Variants in CHST3 observed in about 807,000 individuals in gnomAD.
CHST3 encodes C6ST-1.
In CHST3, 20 loss-of-function variants were observed where a neutral mutation model predicts 35.4. The observed-to-expected ratio is 0.57, with a 90% CI of 0.40 to 0.82. The LOEUF (loss-of-function observed/expected upper bound fraction) is 0.82, where lower values mean the gene tolerates loss of function less well. Among genes scored for constraint, CHST3 ranks in the 40% least tolerant of loss-of-function variants. The pLI is 0.00. For missense variants in CHST3, 693 were observed against 670.1 expected (o/e 1.03, Z -0.38); for synonymous variants, 334 against 295.9 (o/e 1.13, Z -1.32).
intron 1 of CHST3, among the ~76,000 whole-genome samples, chr10:71,990,394 G>T (rs1839887049): frequency 6.6e-6 from 1 of 151,506 alleles, no homozygotes; most frequent in Non-Finnish European, 1.5e-5. Context: ...ACGGAGTTTT[G>T]CTCTTGTTGC....
chr10:71,977,198 C>T (rs1381822310), intron 1 of CHST3, among the ~76,000 whole-genome samples: 1 of 152,244 alleles, frequency 6.6e-6, no homozygotes, highest in Non-Finnish European at 1.5e-5. Context: ...AGTCCCAGCC[C>T]CCAGACCTGA....
intron 1 of CHST3, among the ~76,000 whole-genome samples, chr10:71,974,720 G>T (rs1239901234): frequency 1.3e-5 from 2 of 152,220 alleles, no homozygotes; most frequent in East Asian, 3.9e-4. Context: ...GCCCTCTATG[G>T]TTCTCCTGAT....
Position 72,009,245 on chromosome 10 carries a change from T to C in CHST3, c.*774T>C, listed in dbSNP as rs1840082413. 1 of 152,184 alleles carries C rather than the reference T, an allele frequency of 6.6e-6. No homozygotes were observed. The highest frequency in any genetic ancestry group is 2.4e-5 in the African/African-American group (1 of 41,410). 9.4% of individuals were successfully genotyped at this position (152,184 alleles called of 1,614,324 possible). On this transcript the variant is annotated 3_prime_UTR_variant, in exon 3 of 3. Coordinates refer to ENST00000373115, the MANE Select transcript of CHST3 (RefSeq NM_004273.5). The stretch of plus-strand genomic sequence containing the variant: ...CAGAGGAGCCTGTGCTTAACATTTG[T>C]AGGATTATTTCGAGGGCAGGGCAGG...
At position 72,012,227 on chromosome 10, in the gene CHST3, T is replaced by C. The variant is rs533593409; in HGVS notation, c.*3756T>C. 1 of 152,300 alleles carries C rather than the reference T, an allele frequency of 6.6e-6. No individual in the cohort carries two copies. Among genetic ancestry groups the C allele is most frequent in the South Asian group, 2.1e-4 (1 of 4,824 alleles). The allele number at this position is 152,300 out of a possible 1,614,324, so 9.4% of individuals were successfully genotyped here. On this transcript the variant is annotated 3_prime_UTR_variant, in exon 3 of 3. Coordinates refer to ENST00000373115, the MANE Select transcript of CHST3 (RefSeq NM_004273.5). The stretch of plus-strand genomic sequence containing the variant: ...CCCTCCCATCTCTGCCATCTGTCTG[T>C]CTGGCAATGGAAGGAGCTTCAGCAG...
rs1172740986 is a variant in CHST3 at position 72,007,910 on chromosome 10, C to G, written c.879C>G (p.Asp293Glu). The change falls in exon 3 of 3, where the codon GAC becomes GAG. Residue 293 changes from aspartate to glutamate, a missense_variant. By Grantham distance (45) the Asp-to-Glu change is conservative. Transcript: ENST00000373115. Reference protein sequence around the residue: ...LQPLAEDPRLDLRVIQLVRDP... With the variant: ...LQPLAEDPRLELRVIQLVRDP... ...CGCTGGCCGAGGACCCCCGCCTGGA[C>G]CTGCGCGTCATCCAGCTGGTGCGCG... The G allele has an allele frequency of 2.0e-5, 31 of 1,567,110 alleles. No homozygotes were observed. Among genetic ancestry groups the G allele is most frequent in the Non-Finnish European group, 2.5e-5 (29 of 1,156,506 alleles).
rs1210299926 is a variant in CHST3, at chr10:72,009,581, A to G, written c.*1110A>G. On this transcript the variant is annotated 3_prime_UTR_variant, in exon 3 of 3. Transcript: ENST00000373115. ...CTCACGGGGCCTTCCATTTCCAGCC[A>G]GGCCTCATCTGGGGTAGGGCCAAGA... The G allele has an allele frequency of 2.6e-5, 4 of 152,244 alleles. No homozygotes were observed. Among genetic ancestry groups the G allele is most frequent in the Non-Finnish European group, 5.9e-5 (4 of 68,108 alleles). The allele number at this position is 152,244 out of a possible 1,614,324, so 9.4% of individuals were successfully genotyped here.
rs143743853 is a variant in CHST3, at chr10:72,011,131, C to G, written c.*2660C>G. 6.6e-6 allele frequency: 1 copy of G among 152,186 alleles called. No individual in the cohort carries two copies. The highest frequency in any genetic ancestry group is 6.5e-5 in the Admixed American group (1 of 15,286). 9.4% of individuals were successfully genotyped at this position (152,186 alleles called of 1,614,324 possible). ...AACAATAGAAACCATTCACACACTC[C>G]GTTCATGCATGGACACCAGAAGACG... On this transcript the variant is annotated 3_prime_UTR_variant, in exon 3 of 3. Transcript: ENST00000373115.
In CHST3 at chr10:72,005,720, A is replaced by G; in HGVS notation, c.-107-16A>G. 1 of 1,212,924 alleles carries G rather than the reference A, an allele frequency of 8.2e-7. No homozygotes were observed. The highest frequency in any genetic ancestry group is 2.4e-5 in the East Asian group (1 of 42,206). 75.1% of individuals were successfully genotyped at this position (1,212,924 alleles called of 1,614,324 possible). On this transcript the variant is annotated splice_polypyrimidine_tract_variant and intron_variant, in intron 1 of 2. Coordinates refer to ENST00000373115, the MANE Select transcript of CHST3 (RefSeq NM_004273.5). ...GTGTACAGACAAGGGTGTTCTGACC[A>G]CCTGTCTCTCCGCAGGACAAGGGTG... is the stretch of plus-strand genomic sequence containing the variant.
chr10:71,998,805 C>A (rs1302806159), intron 1 of CHST3, among the ~76,000 whole-genome samples: 1 of 152,164 alleles, frequency 6.6e-6, no homozygotes. Context: ...AATCAAAGAT[C>A]GGTTCTTTCT....
intron 1 of CHST3, among the ~76,000 whole-genome samples, chr10:71,995,408 CGA>C (rs1398895678): frequency 1.5e-5 from 2 of 132,400 alleles, no homozygotes; most frequent in Admixed American, 8.4e-5. Flanking sequence ...CTGGGCAGAG[CGA>C]GAGTCTGTCT....
rs1210950928 is a variant in CHST3 at position 72,012,609 on chromosome 10, G to A, written c.*4138G>A. On this transcript the variant is annotated 3_prime_UTR_variant, in exon 3 of 3. Transcript: ENST00000373115. ...CAGATCTCAAGGGCTGATACCTGAG[G>A]CAAGGAGAGCTAAGGGGAGAGAAAT... 1 of 152,768 alleles carries A rather than the reference G, an allele frequency of 6.5e-6. No individual in the cohort carries two copies. Among genetic ancestry groups the A allele is most frequent in the Non-Finnish European group, 1.5e-5 (1 of 68,490 alleles). 9.5% of individuals were successfully genotyped at this position (152,768 alleles called of 1,614,324 possible).
At chr10:71,968,417 T>C (rs562983759) in intron 1 of CHST3, among the ~76,000 whole-genome samples, 124 of 152,344 alleles carry the variant, frequency 8.1e-4, no homozygotes, top group East Asian at 5.8e-3. Flanking sequence ...TTGCAAATAT[T>C]TTCTCCTGTT....
rs147535559 is a variant in CHST3, at chr10:72,007,417, C to T, written c.386C>T (p.Ala129Val). 10 of 1,603,092 alleles carry T rather than the reference C, an allele frequency of 6.2e-6. No homozygotes were observed. The African/African-American group carries it at 6.7e-5, about 11-fold the overall frequency. ...GAGGAGCCGCCCAGACCGGCCGTGG[C>T]GGGGCCCCGGCGCCACGTGCTGCTC... Reference protein sequence around the residue: ...KEEEPPRPAVAGPRRHVLLMA... With the variant: ...KEEEPPRPAVVGPRRHVLLMA... Residue 129 changes from alanine to valine, a missense_variant, in exon 3 of 3, where the codon GCG (alanine) becomes GTG (valine). Coordinates refer to ENST00000373115, the MANE Select transcript of CHST3 (RefSeq NM_004273.5).
intron 1 of CHST3, among the ~76,000 whole-genome samples, chr10:71,965,170 C>T (rs1839617356): frequency 6.6e-6 from 1 of 152,176 alleles, no homozygotes; most frequent in Non-Finnish European, 1.5e-5. Context: ...GCCAGAACCC[C>T]GAGACCAAGG....
intron 1 of CHST3, among the ~76,000 whole-genome samples, chr10:71,998,871 C>A (rs1251329860): frequency 6.6e-6 from 1 of 152,016 alleles, no homozygotes; most frequent in East Asian, 1.9e-4. Flanking sequence ...TTGGGAGTAA[C>A]ATAGCCCCAT....
intron 1 of CHST3, among the ~76,000 whole-genome samples, chr10:71,968,709 G>A (rs1045554415): frequency 1.3e-5 from 2 of 152,052 alleles, no homozygotes; most frequent in African/African-American, 4.8e-5. Flanking sequence ...ACACTCTGCC[G>A]AGCCTGGATA....
At chr10:71,971,470 C>T (rs573523329) in intron 1 of CHST3, among the ~76,000 whole-genome samples, 1 of 152,286 alleles carries the variant, frequency 6.6e-6, no homozygotes, top group South Asian at 2.1e-4. Flanking sequence ...ACACATGCTG[C>T]GCCGATGCCC....
At chr10:71,978,443 C>T (rs1365532037) in intron 1 of CHST3, among the ~76,000 whole-genome samples, 1 of 152,106 alleles carries the variant, frequency 6.6e-6, no homozygotes, top group Non-Finnish European at 1.5e-5. Context: ...GATTCCTAAC[C>T]CCGTGCTGCC....
At chr10:71,972,428 C>T (rs371385161) in intron 1 of CHST3, among the ~76,000 whole-genome samples, 11 of 152,310 alleles carry the variant, frequency 7.2e-5, no homozygotes, top group African/African-American at 2.6e-4. Context: ...GAGCCTCGGC[C>T]TTCTCCAGGT....
Sources: allele counts gnomAD v4.1 joint callset (sites outside exome capture counted in the v4.1 genomes callset), GRCh38; gene constraint gnomAD v4.1.1; transcripts MANE v1.5; gene names NCBI Gene and HGNC (gene_info 2026-07-23, HGNC 2026-07-21).